RBFOX1: variants seen among roughly 807,000 people sequenced by gnomAD.
RBFOX1 encodes the protein RNA binding protein fox-1 homolog 1.
Under a neutral mutation model 57.7 loss-of-function variants are expected in RBFOX1, and 8 were observed. The observed-to-expected ratio is 0.14, with a 90% CI of 0.08 to 0.25. The LOEUF is 0.25. Ranked by LOEUF, RBFOX1 falls within the 10% of genes least tolerant of loss-of-function variation. The probability of loss-of-function intolerance (pLI) is 1.00; values close to 1 mark genes in which losing one functional copy is unlikely to be tolerated. For missense variants in RBFOX1, 611 were observed against 548.5 expected, an observed-to-expected ratio of 1.11 and a Z score of -1.14; for synonymous variants, 326 against 222.4, an observed-to-expected ratio of 1.47 and a Z score of -4.15.
At chr16:6,559,808 G>A (rs181076399) in intron 2 of RBFOX1, among the ~76,000 whole-genome samples, 1 of 152,234 alleles carries the variant, frequency 6.6e-6, no homozygotes, top group Admixed American at 6.5e-5. Context: ...ACTTGTTGGT[G>A]TAAAGACGAC....
At chr16:6,866,932 C>G (rs985502287) in intron 3 of RBFOX1, among the ~76,000 whole-genome samples, 9 of 151,248 alleles carry the variant, frequency 6.0e-5, no homozygotes, top group African/African-American at 2.2e-4. Context: ...CTTATGGGTC[C>G]TTAGCTTCAT....
intron 3 of RBFOX1, among the ~76,000 whole-genome samples, chr16:7,018,952 C>G (rs995481977): frequency 2.0e-5 from 3 of 151,808 alleles, no homozygotes; most frequent in East Asian, 1.9e-4. Context: ...GACCTCGTCT[C>G]TACAAAAAAA....
At chr16:5,863,030 G>C (rs769874801) in intron 3 of RBFOX1, among the ~76,000 whole-genome samples, 5 of 152,148 alleles carry the variant, frequency 3.3e-5, no homozygotes, top group Non-Finnish European at 5.9e-5. Context: ...CAGAATCCCT[G>C]CCTGGGTCTC....
intron 4 of RBFOX1, among the ~76,000 whole-genome samples, chr16:7,509,578 A>C (rs200662210): frequency 6.6e-6 from 1 of 152,236 alleles, no homozygotes; most frequent in East Asian, 1.9e-4. Flanking sequence ...CTAAGATTAC[A>C]CAGCCAGTCT....
chr16:6,746,729 T>C (rs190755826), intron 3 of RBFOX1, among the ~76,000 whole-genome samples: 19 of 152,208 alleles, frequency 1.2e-4, no homozygotes, highest in Admixed American at 1.2e-3. Flanking sequence ...TATTAATTAA[T>C]TGAAAGTTTA....
At chr16:5,619,771 T>G (rs1026866595) in intron 3 of RBFOX1, among the ~76,000 whole-genome samples, 4 of 152,124 alleles carry the variant, frequency 2.6e-5, no homozygotes. Context: ...TTCTCTGTAC[T>G]TGGGCTCACC....
At chr16:5,376,979 CAG>C (rs1454367080) in intron 1 of RBFOX1, among the ~76,000 whole-genome samples, 2 of 150,882 alleles carry the variant, frequency 1.3e-5, no homozygotes, top group Non-Finnish European at 2.9e-5. Context: ...CTTCTGCACT[CAG>C]GGGCTTACCT....
chr16:7,513,685 G>C (rs932615619), intron 4 of RBFOX1, among the ~76,000 whole-genome samples: 2 of 152,150 alleles, frequency 1.3e-5, no homozygotes, highest in African/African-American at 2.4e-5. Context: ...ACCTCTGTAA[G>C]AACTACCGGT....
chr16:5,949,525 C>CAAAAA (rs59221283), intron 4 of RBFOX1, among the ~76,000 whole-genome samples: 25 of 31,754 alleles, frequency 7.9e-4, no homozygotes, highest in Non-Finnish European at 1.2e-3. Flanking sequence ...GAGTCCATCT[C>CAAAAA]AAAAAAAAAA....
intron 9 of RBFOX1, among the ~76,000 whole-genome samples, chr16:7,604,452 C>A (rs2095199422): frequency 6.6e-6 from 1 of 152,206 alleles, no homozygotes; most frequent in South Asian, 2.1e-4. Context: ...TTAATACTTG[C>A]AAACATGAGA....
intron 4 of RBFOX1, among the ~76,000 whole-genome samples, chr16:5,875,443 G>A (rs185629659): frequency 1.3e-5 from 2 of 152,292 alleles, no homozygotes; most frequent in East Asian, 3.9e-4. Context: ...TGTCTCGTTT[G>A]TCTGTTACAT....
In RBFOX1 at chr16:6,745,109, G is replaced by C. The variant is rs182006683; in HGVS notation, c.-16+90459G>C. ...TGAAATGGGTAAATTCCTTGAAAGA[G>C]ATCTAAGAAAGCTCACTAAAGAAGA... On this transcript the variant is annotated intron_variant, in intron 3 of 15. Coordinates refer to ENST00000550418, the MANE Select transcript of RBFOX1 (RefSeq NM_018723.4). Among the ~76,000 whole-genome samples, 204 of 152,112 alleles carry C rather than the reference G, an allele frequency of 1.3e-3. 1 individual carries two copies. The Middle Eastern group carries it at 0.034, about 26-fold the overall frequency.
chr16:6,938,481 T>C (rs1406819363), intron 3 of RBFOX1, among the ~76,000 whole-genome samples: 7 of 152,216 alleles, frequency 4.6e-5, no homozygotes, highest in Non-Finnish European at 7.3e-5. Context: ...CTGAGAAATT[T>C]CTAAGTCTCA....
chr16:5,300,583 A>T (rs6650574), intron 1 of RBFOX1, among the ~76,000 whole-genome samples: 1 of 152,162 alleles, frequency 6.6e-6, no homozygotes, highest in Admixed American at 6.5e-5. Context: ...TAATTATATT[A>T]TTTATTTTTT....
chr16:7,295,675 C>G lies in RBFOX1; in HGVS notation c.28-222472C>G, dbSNP rs376723249. On this transcript the variant is annotated intron_variant, in intron 4 of 15. Transcript: ENST00000550418. ...GTGTACTGCTCACTACAGGTGTACTCAGGGGAGTACACCTTTTGCAGTCTC... is the reference window on the plus strand; with the variant it reads ...GTGTACTGCTCACTACAGGTGTACTGAGGGGAGTACACCTTTTGCAGTCTC... 4.6e-5 allele frequency among the ~76,000 whole-genome samples: 7 copies of G among 152,148 alleles called. No individual in the cohort carries two copies. The East Asian group carries it at 9.7e-4, about 21-fold the overall frequency.
intron 4 of RBFOX1, among the ~76,000 whole-genome samples, chr16:7,318,089 T>G (rs1049918533): frequency 9.3e-5 from 14 of 150,700 alleles, no homozygotes; most frequent in Non-Finnish European, 1.8e-4. Flanking sequence ...GTGATGAAGG[T>G]GATGGTGGTA....
intron 4 of RBFOX1, among the ~76,000 whole-genome samples, chr16:7,271,189 G>C (rs543944701): frequency 6.6e-6 from 1 of 152,148 alleles, no homozygotes; most frequent in East Asian, 1.9e-4. Flanking sequence ...CCTAAATGGA[G>C]ACGGGATGCA....
chr16:5,370,289 G>A (rs528498249), intron 1 of RBFOX1, among the ~76,000 whole-genome samples: 3 of 152,102 alleles, frequency 2.0e-5, no homozygotes, highest in East Asian at 1.9e-4. Flanking sequence ...GCCCCCAAGC[G>A]TGAGATCTAG....
chr16:6,961,591 T>C (rs1052738003), intron 3 of RBFOX1, among the ~76,000 whole-genome samples: 1 of 152,134 alleles, frequency 6.6e-6, no homozygotes, highest in South Asian at 2.1e-4. Context: ...AGAGCAGCTC[T>C]GAGGGCTGCT....
Sources: allele counts gnomAD v4.1 joint callset (sites outside exome capture counted in the v4.1 genomes callset), GRCh38; gene constraint gnomAD v4.1.1; transcripts MANE v1.5; gene names NCBI Gene and HGNC (gene_info 2026-07-23, HGNC 2026-07-21).